LDB2: variants seen among roughly 807,000 people sequenced by gnomAD.
LDB2 encodes the protein LIM domain-binding protein 2.
Under a neutral mutation model 44.3 loss-of-function variants are expected in LDB2, and 12 were observed. The ratio of observed to expected loss-of-function variants is 0.27; its 90% CI spans 0.17 to 0.44. The LOEUF is 0.44. Among genes scored for constraint, LDB2 ranks in the 20% least tolerant of loss-of-function variants. The pLI is 1.00. For missense variants in LDB2, 344 were observed against 473.5 expected, an observed-to-expected ratio of 0.73 and a Z score of 2.54; for synonymous variants, 164 against 174.8, an observed-to-expected ratio of 0.94 and a Z score of 0.49.
At chr4:16,770,420 G>A (rs960388098) in intron 1 of LDB2, among the ~76,000 whole-genome samples, 1 of 152,210 alleles carries the variant, frequency 6.6e-6, no homozygotes, top group East Asian at 1.9e-4. Context: ...CTATTTACAT[G>A]TTTGTGAAAC....
intron 1 of LDB2, among the ~76,000 whole-genome samples, chr4:16,814,227 T>C (rs909587578): frequency 9.2e-5 from 14 of 152,140 alleles, no homozygotes; most frequent in African/African-American, 3.4e-4. Flanking sequence ...TACCTTTGCT[T>C]AGTGTGCACA....
chr4:16,687,385 G>T (rs1442759308), intron 2 of LDB2, among the ~76,000 whole-genome samples: 2 of 152,160 alleles, frequency 1.3e-5, no homozygotes, highest in East Asian at 3.9e-4. Flanking sequence ...GACACAGCAG[G>T]TAAATTGCTG....
intron 3 of LDB2, among the ~76,000 whole-genome samples, chr4:16,593,892 G>T (rs376781248): frequency 3.4e-4 from 52 of 152,254 alleles, no homozygotes; most frequent in Middle Eastern, 6.8e-3. Context: ...GATTCTTTTC[G>T]ATCTAAAACA....
intron 5 of LDB2, among the ~76,000 whole-genome samples, chr4:16,549,003 G>A (rs746515540): frequency 6.6e-6 from 1 of 152,190 alleles, no homozygotes; most frequent in Non-Finnish European, 1.5e-5. Flanking sequence ...TGATTAGGAG[G>A]TATTGGAGTA....
At chr4:16,561,726 G>T (rs1742374918) in intron 5 of LDB2, among the ~76,000 whole-genome samples, 1 of 152,218 alleles carries the variant, frequency 6.6e-6, no homozygotes, top group Admixed American at 6.5e-5. Flanking sequence ...CTACTTTAAA[G>T]TTCACATGGA....
intron 2 of LDB2, among the ~76,000 whole-genome samples, chr4:16,652,208 A>G (rs544420936): frequency 6.6e-4 from 101 of 152,180 alleles, no homozygotes; most frequent in South Asian, 5.0e-3. Flanking sequence ...TGCCCTCCCA[A>G]AGTGTTATGT....
At chr4:16,720,312 G>A (rs1249806317) in intron 2 of LDB2, among the ~76,000 whole-genome samples, 1 of 152,124 alleles carries the variant, frequency 6.6e-6, no homozygotes, top group African/African-American at 2.4e-5. Context: ...TAAGAGCAGA[G>A]CTGAGGCTTT....
At chr4:16,675,877 A>G (rs1472873280) in intron 2 of LDB2, among the ~76,000 whole-genome samples, 1 of 152,158 alleles carries the variant, frequency 6.6e-6, no homozygotes, top group African/African-American at 2.4e-5. Context: ...AGATTTCTCC[A>G]TTTCTTTATT....
chr4:16,508,514 T>C (rs777777017), intron 7 of LDB2, 21 bp downstream of exon 7: 4 of 1,537,820 alleles, frequency 2.6e-6, no homozygotes, highest in Non-Finnish European at 3.5e-6. Flanking sequence ...ATTTCGGGCC[T>C]AAGAGGAAAG....
At chr4:16,767,718 C>T (rs1252328803) in intron 1 of LDB2, among the ~76,000 whole-genome samples, 1 of 152,188 alleles carries the variant, frequency 6.6e-6, no homozygotes, top group Non-Finnish European at 1.5e-5. Flanking sequence ...TGGTTGTTGA[C>T]AATTCTTCCA....
At chr4:16,870,691 C>T (rs373260696) in intron 1 of LDB2, among the ~76,000 whole-genome samples, 1 of 151,874 alleles carries the variant, frequency 6.6e-6, no homozygotes, top group South Asian at 2.1e-4. Flanking sequence ...TGGAGTGCAG[C>T]GGTGCAATCT....
intron 1 of LDB2, among the ~76,000 whole-genome samples, chr4:16,811,674 G>A (rs889536602): frequency 6.6e-6 from 1 of 152,156 alleles, no homozygotes. Context: ...TAACTATTTT[G>A]TTCCTATTAC....
At chr4:16,881,377 C>T (rs750464400) in intron 1 of LDB2, among the ~76,000 whole-genome samples, 26 of 152,170 alleles carry the variant, frequency 1.7e-4, no homozygotes, top group Non-Finnish European at 2.6e-4. Context: ...TAATTGAGGC[C>T]ATGATGTAAA....
intron 6 of LDB2, among the ~76,000 whole-genome samples, chr4:16,511,227 T>G (rs146909833): frequency 2.0e-5 from 3 of 152,310 alleles, no homozygotes; most frequent in African/African-American, 7.2e-5. Context: ...AAAAATAATT[T>G]TTAGCAAATG....
intron 2 of LDB2, among the ~76,000 whole-genome samples, chr4:16,690,855 A>C (rs958567207): frequency 1.3e-5 from 2 of 152,180 alleles, no homozygotes; most frequent in Non-Finnish European, 2.9e-5. Context: ...GAATTCTAGA[A>C]GTATTTTTAA....
intron 1 of LDB2, among the ~76,000 whole-genome samples, chr4:16,801,695 T>C (rs922930884): frequency 6.6e-6 from 1 of 152,212 alleles, no homozygotes; most frequent in Admixed American, 6.5e-5. Flanking sequence ...AATCGAATTA[T>C]AAAATTGAAC....
intron 2 of LDB2, among the ~76,000 whole-genome samples, chr4:16,678,391 A>G (rs1746886192): frequency 6.6e-6 from 1 of 152,190 alleles, no homozygotes; most frequent in African/African-American, 2.4e-5. Context: ...ATTTTGGAGT[A>G]TTCTTACTCC....
chr4:16,635,830 T>A (rs923984734), intron 2 of LDB2, among the ~76,000 whole-genome samples: 2 of 152,180 alleles, frequency 1.3e-5, no homozygotes, highest in Middle Eastern at 3.2e-3. Context: ...ATCAAGCCCT[T>A]TGGAAAGAGT....
intron 1 of LDB2, among the ~76,000 whole-genome samples, chr4:16,846,899 G>A (rs1236435533): frequency 6.6e-6 from 1 of 152,184 alleles, no homozygotes; most frequent in East Asian, 1.9e-4. Flanking sequence ...GACACTGACA[G>A]TCATCAAGCG....
Sources: gnomAD v4.1 joint callset for allele counts (sites outside exome capture counted in the v4.1 genomes callset) on GRCh38, gnomAD v4.1.1 for gene constraint, MANE v1.5 for transcripts, NCBI Gene and HGNC (gene_info 2026-07-23, HGNC 2026-07-21) for gene names.